JADE1: variants seen among roughly 807,000 people sequenced by gnomAD.
JADE1 encodes jade family PHD finger 1.
Under a neutral mutation model 81.8 loss-of-function variants are expected in JADE1, and 14 were observed. The ratio of observed to expected loss-of-function variants is 0.17; its 90% CI spans 0.11 to 0.27. The LOEUF (loss-of-function observed/expected upper bound fraction) is 0.27. Ranked by LOEUF, JADE1 falls within the 10% of genes least tolerant of loss-of-function variation. JADE1 has a pLI of 1.00. For synonymous variants in JADE1, 353 were observed against 391.9 expected (o/e 0.90, Z 1.17); for missense variants, 690 against 1,047.9 (o/e 0.66, Z 4.71).
intron 2 of JADE1, 95 bp downstream of exon 2, chr4:128,831,905 T>G: frequency 8.9e-7 from 1 of 1,120,826 alleles, no homozygotes; most frequent in Non-Finnish European, 1.4e-6. Flanking sequence ...GCTGAGGCCC[T>G]TTGCATGTCA....
chr4:128,863,472 C>T, intron 9 of JADE1: 3 of 985,444 alleles, frequency 3.0e-6, no homozygotes, highest in African/African-American at 1.7e-5. Flanking sequence ...ACCTGCATGG[C>T]CCTGTTAGAG....
intron 4 of JADE1, among the ~76,000 whole-genome samples, chr4:128,847,844 A>G (rs767903715): frequency 6.6e-6 from 1 of 152,230 alleles, no homozygotes; most frequent in Non-Finnish European, 1.5e-5. Context: ...GTACTCTGAC[A>G]GACTCTGGGC....
intron 1 of JADE1, chr4:128,811,383 C>T (rs1028023338): frequency 9.2e-5 from 14 of 152,132 alleles, no homozygotes; most frequent in African/African-American, 3.4e-4. Flanking sequence ...AGCAGCCTCT[C>T]TCCCCTCCCA....
intron 8 of JADE1, among the ~76,000 whole-genome samples, chr4:128,859,384 A>G (rs1731095627): frequency 6.6e-6 from 1 of 151,362 alleles, no homozygotes. Context: ...TATGTGTGTG[A>G]GTATGCATGC....
chr4:128,814,645 T>A (rs527529275), intron 1 of JADE1, among the ~76,000 whole-genome samples: 2 of 151,202 alleles, frequency 1.3e-5, no homozygotes, highest in East Asian at 3.9e-4. Flanking sequence ...CACTGCAACC[T>A]ATGCCTCCCA....
At chr4:128,861,596 C>CAT (rs1731334104) in intron 8 of JADE1, 108 bp from the exon 9 acceptor site, 1 of 1,218,200 alleles carries the variant, frequency 8.2e-7, no homozygotes, top group Admixed American at 2.2e-5. Flanking sequence ...ATGCTTGAAG[C>CAT]ATGGCTCTTC....
rs1483147759 is a variant in JADE1 at position 128,836,205 on chromosome 4, A to G, written c.52+4395A>G. 2.0e-5 allele frequency among the ~76,000 whole-genome samples: 3 copies of G among 152,100 alleles called. No individual in the cohort carries two copies. In the East Asian group the frequency reaches 5.8e-4, roughly 29 times the overall value. Reference sequence around the variant, plus strand: ...AGTTGATCCTTGAACAACTCCCCCTACCCTGCAAATCAAAATTCTTTGTAT... The same window carrying G: ...AGTTGATCCTTGAACAACTCCCCCTGCCCTGCAAATCAAAATTCTTTGTAT... On this transcript the variant is annotated intron_variant, in intron 2 of 10. Transcript: ENST00000226319.
In JADE1 at chr4:128,868,514, A is replaced by AT. The variant is rs528953276; in HGVS notation, c.1621+544dup. Among the ~76,000 whole-genome samples the AT allele has an allele frequency of 3.9e-4, 59 of 152,262 alleles. 1 individual carries two copies. The highest frequency in any genetic ancestry group is 1.3e-3 in the African/African-American group (54 of 41,540). On this transcript the variant is annotated intron_variant, in intron 10 of 10. Coordinates refer to ENST00000226319, the MANE Select transcript of JADE1 (RefSeq NM_199320.4). Reference sequence around the variant, plus strand: ...TTCTGAGATTGAGCACCAAATATTTATTTAGTGTCTTCTATTTTATATTGC... The same window carrying AT: ...TTCTGAGATTGAGCACCAAATATTTATTTTAGTGTCTTCTATTTTATATTGC...
chr4:128,849,790 G>T (rs1560758978), intron 5 of JADE1, among the ~76,000 whole-genome samples: 1 of 152,088 alleles, frequency 6.6e-6, no homozygotes, highest in Admixed American at 6.5e-5. Context: ...AGCATCTCAT[G>T]GTGTTGAGAC....
At chr4:128,817,726 T>C (rs954976007) in intron 1 of JADE1, among the ~76,000 whole-genome samples, 13 of 152,364 alleles carry the variant, frequency 8.5e-5, no homozygotes, top group African/African-American at 3.1e-4. Context: ...TTGGTGGTTG[T>C]AACTTTTTAA....
intron 1 of JADE1, among the ~76,000 whole-genome samples, chr4:128,818,192 C>T (rs969480339): frequency 6.6e-6 from 1 of 151,758 alleles, no homozygotes; most frequent in African/African-American, 2.4e-5. Flanking sequence ...ATGATCTGGG[C>T]TCACTGCAAC....
chr4:128,812,038 T>C (rs1384973564), intron 1 of JADE1: 1 of 151,422 alleles, frequency 6.6e-6, no homozygotes, highest in Non-Finnish European at 1.5e-5. Flanking sequence ...GCAAGTGGCT[T>C]CTGGACGCGA....
chr4:128,830,756 G>C (rs988782675), intron 1 of JADE1, among the ~76,000 whole-genome samples: 1 of 152,156 alleles, frequency 6.6e-6, no homozygotes, highest in Admixed American at 6.5e-5. Flanking sequence ...AAAGCTTTTT[G>C]TATTTGTTTA....
intron 2 of JADE1, among the ~76,000 whole-genome samples, chr4:128,842,306 CT>C (rs1553946691): frequency 2.4e-3 from 351 of 144,378 alleles, no homozygotes; most frequent in Middle Eastern, 7.2e-3. Flanking sequence ...TTCTTTCTTT[CT>C]TTTTTTTTTT....
intron 1 of JADE1, among the ~76,000 whole-genome samples, chr4:128,822,623 G>A (rs577401550): frequency 3.2e-4 from 49 of 151,986 alleles, no homozygotes; most frequent in Non-Finnish European, 6.2e-4. Flanking sequence ...GGAGGCTGAA[G>A]CAGGAGAATC....
chr4:128,845,202 C>T (rs1002115912), intron 3 of JADE1, among the ~76,000 whole-genome samples: 6 of 152,200 alleles, frequency 3.9e-5, no homozygotes, highest in Non-Finnish European at 2.9e-5. Context: ...GTGTTGTGCT[C>T]CACCCCAGGG....
chr4:128,859,444 T>C (rs966554305), intron 8 of JADE1, among the ~76,000 whole-genome samples: 2 of 151,990 alleles, frequency 1.3e-5, no homozygotes, highest in Admixed American at 6.5e-5. Flanking sequence ...TGCATGTGTG[T>C]ATGCGCGTGA....
At chr4:128,858,835 C>G (rs1341385831) in intron 8 of JADE1, among the ~76,000 whole-genome samples, 1 of 152,092 alleles carries the variant, frequency 6.6e-6, no homozygotes, top group South Asian at 2.1e-4. Flanking sequence ...GTCTCGAACT[C>G]CTGACCTCGT....
At chr4:128,841,294 A>G (rs1383744204) in intron 2 of JADE1, among the ~76,000 whole-genome samples, 6 of 152,196 alleles carry the variant, frequency 3.9e-5, no homozygotes, top group Admixed American at 1.3e-4. Context: ...TTGGACAAAT[A>G]CTACATGTGG....
Sources: allele counts gnomAD v4.1 joint callset (sites outside exome capture counted in the v4.1 genomes callset), GRCh38; gene constraint gnomAD v4.1.1; transcripts MANE v1.5; gene names NCBI Gene and HGNC (gene_info 2026-07-23, HGNC 2026-07-21).